The following ZMYM2 variants were observed in gnomAD, a reference collection of about 807,000 sequenced individuals.
ZMYM2 encodes the protein zinc finger MYM-type containing 2.
In ZMYM2, 56 loss-of-function variants were observed where a neutral mutation model predicts 162.8. That is an observed-to-expected ratio of 0.34 (90% CI 0.28 to 0.43). The LOEUF (loss-of-function observed/expected upper bound fraction) is 0.43. ZMYM2 is among the 20% of genes least tolerant of loss of function. The probability of loss-of-function intolerance (pLI) is 1.00; values close to 1 mark genes in which losing one functional copy is unlikely to be tolerated. For missense variants in ZMYM2, 1,275 were observed against 1,621.8 expected (o/e 0.79, Z 3.67); for synonymous variants, 510 against 541.6 (o/e 0.94, Z 0.81).
chr13:20,007,305 T>A lies in ZMYM2; in HGVS notation c.1512+719T>A, dbSNP rs1404779151. On this transcript the variant is annotated intron_variant, in intron 6 of 24. Transcript: ENST00000610343. ...CATGCGCCACCACACCCGGCTAATT[T>A]TTTGTATTTTTAGTAGAAACGGGGT... Among the ~76,000 whole-genome samples the A allele has an allele frequency of 3.3e-5, 5 of 151,862 alleles. No homozygotes were observed. In the East Asian group the frequency reaches 5.8e-4, roughly 18 times the overall value.
At chr13:19,958,060 C>A (rs1025851958), upstream of ZMYM2, among the ~76,000 whole-genome samples, 1 of 152,212 alleles carries the variant, frequency 6.6e-6, no homozygotes, top group Non-Finnish European at 1.5e-5. Context: ...GTCGTCTCCT[C>A]CTGCTGCAGC....
chr13:19,989,813 C>T (rs1390901694), intron 2 of ZMYM2, among the ~76,000 whole-genome samples: 1 of 152,232 alleles, frequency 6.6e-6, no homozygotes, highest in African/African-American at 2.4e-5. Flanking sequence ...CTTTGCTAAG[C>T]ATCCTTCTAC....
intron 12 of ZMYM2, among the ~76,000 whole-genome samples, chr13:20,039,119 A>G (rs1048378019): frequency 4.6e-5 from 7 of 152,190 alleles, no homozygotes; most frequent in African/African-American, 1.4e-4. Context: ...ATTTTTGTAC[A>G]TTGATTTTGT....
chr13:19,922,688 C>T, the ZMYM2 span, among the ~76,000 whole-genome samples: 1 of 151,774 alleles, frequency 6.6e-6, no homozygotes, highest in Admixed American at 6.6e-5. Flanking sequence ...ACTAAAAATA[C>T]AAAAAATTAG....
chr13:20,086,738 T>C lies in ZMYM2; in HGVS notation c.*724T>C, dbSNP rs976819027. ...TCACCCAATCAATAAAAAACAAATA[T>C]ATATATGTATATATATGTATGTATG... On this transcript the variant is annotated 3_prime_UTR_variant, in exon 25 of 25. Transcript: ENST00000610343. 1 of 144,584 alleles carries C rather than the reference T, an allele frequency of 6.9e-6. No individual in the cohort carries two copies. Among genetic ancestry groups the C allele is most frequent in the African/African-American group, 2.7e-5 (1 of 36,626 alleles). The allele number at this position is 144,584 out of a possible 1,614,324, so 9.0% of individuals were successfully genotyped here. A position where few individuals can be genotyped will look rare whatever the true frequency, so the allele number is the denominator to read the frequency against.
chr13:20,004,862 A>G (rs1412886097), intron 4 of ZMYM2, among the ~76,000 whole-genome samples: 1 of 152,186 alleles, frequency 6.6e-6, no homozygotes, highest in African/African-American at 2.4e-5. Context: ...GAGTAGCGGC[A>G]AAGATTTAAT....
the ZMYM2 span, among the ~76,000 whole-genome samples, chr13:19,935,149 T>G: frequency 1.3e-5 from 2 of 152,140 alleles, no homozygotes; most frequent in Non-Finnish European, 2.9e-5. Context: ...ATTTATTTAT[T>G]TTTGAGACAG....
At chr13:20,044,857 C>T (rs1954610817) in intron 12 of ZMYM2, among the ~76,000 whole-genome samples, 1 of 151,776 alleles carries the variant, frequency 6.6e-6, no homozygotes, top group African/African-American at 2.4e-5. Context: ...CAAGACCAGC[C>T]TGGCCAACAT....
intron 21 of ZMYM2, among the ~76,000 whole-genome samples, chr13:20,077,696 A>G (rs1403509763): frequency 1.3e-5 from 2 of 152,170 alleles, no homozygotes; most frequent in Non-Finnish European, 1.5e-5. Flanking sequence ...CCTGGCTGGA[A>G]TGTATAATGT....
chr13:19,884,165 TTAC>T, the ZMYM2 span, among the ~76,000 whole-genome samples: 2 of 152,100 alleles, frequency 1.3e-5, no homozygotes, highest in Admixed American at 1.3e-4. Flanking sequence ...CTTATGAGTT[TTAC>T]AACAGCCAGG....
At chr13:19,909,352 A>G in the ZMYM2 span, among the ~76,000 whole-genome samples, 1 of 152,106 alleles carries the variant, frequency 6.6e-6, no homozygotes, top group South Asian at 2.1e-4. Context: ...TTACAAATAA[A>G]GAAAACCAGT....
intron 14 of ZMYM2, among the ~76,000 whole-genome samples, chr13:20,053,156 G>C (rs989477419): frequency 2.6e-5 from 4 of 152,212 alleles, no homozygotes; most frequent in Non-Finnish European, 4.4e-5. Context: ...TCTTACAGCA[G>C]TCACCAGTGG....
chr13:19,890,796 C>T, the ZMYM2 span, among the ~76,000 whole-genome samples: 1 of 150,904 alleles, frequency 6.6e-6, no homozygotes, highest in Non-Finnish European at 1.5e-5. Context: ...GTCGTGAACC[C>T]GAGAGGCGGA....
chr13:19,907,723 C>A, the ZMYM2 span, among the ~76,000 whole-genome samples: 3 of 122,502 alleles, frequency 2.4e-5, no homozygotes, highest in African/African-American at 9.3e-5. Flanking sequence ...GATTGTGCCA[C>A]TGCACTCCAG....
chr13:19,977,891 T>G (rs1956933253), intron 2 of ZMYM2, among the ~76,000 whole-genome samples: 2 of 150,984 alleles, frequency 1.3e-5, no homozygotes, highest in Non-Finnish European at 3.0e-5. Flanking sequence ...TTTTTTTTTT[T>G]TTTGAGACGG....
At chr13:19,909,511 C>A in the ZMYM2 span, among the ~76,000 whole-genome samples, 1 of 145,390 alleles carries the variant, frequency 6.9e-6, no homozygotes, top group African/African-American at 2.5e-5. Flanking sequence ...TGGCTCACTG[C>A]AACCTCCACC....
At chr13:20,034,226 C>T in intron 10 of ZMYM2, 28 bp from the exon 11 acceptor site, 1 of 1,015,328 alleles carries the variant, frequency 9.8e-7, no homozygotes, top group Non-Finnish European at 1.3e-6. Context: ...TCGTCATATA[C>T]TTACCAAGGT....
chr13:19,934,038 G>T, the ZMYM2 span, among the ~76,000 whole-genome samples: 4 of 151,902 alleles, frequency 2.6e-5, no homozygotes, highest in African/African-American at 9.7e-5. Context: ...TATATTTATT[G>T]AATTTTCTTC....
At chr13:19,989,704 T>G (rs1949453164) in intron 2 of ZMYM2, among the ~76,000 whole-genome samples, 1 of 152,242 alleles carries the variant, frequency 6.6e-6, no homozygotes, top group South Asian at 2.1e-4. Flanking sequence ...ACAATTAGAT[T>G]ATTATTGACT....
Sources: allele counts gnomAD v4.1 joint callset (sites outside exome capture counted in the v4.1 genomes callset), GRCh38; gene constraint gnomAD v4.1.1; transcripts MANE v1.5; gene names NCBI Gene and HGNC (gene_info 2026-07-23, HGNC 2026-07-21).